DNAAF9: variants seen among roughly 807,000 people sequenced by gnomAD.
DNAAF9 encodes the protein shulin.
Under a neutral mutation model 167.0 loss-of-function variants are expected in DNAAF9, and 90 were observed. The observed-to-expected ratio is 0.54, with a 90% CI of 0.45 to 0.64. The LOEUF (loss-of-function observed/expected upper bound fraction) is 0.64. DNAAF9 is among the 30% of genes least tolerant of loss of function. The pLI is 0.00. For missense variants in DNAAF9, 1,315 were observed against 1,442.2 expected (o/e 0.91, Z 1.43); for synonymous variants, 491 against 508.8 (o/e 0.96, Z 0.47).
At chr20:3,258,907 T>C (rs765940777) in intron 33 of DNAAF9, among the ~76,000 whole-genome samples, 8 of 152,244 alleles carry the variant, frequency 5.3e-5, no homozygotes, top group African/African-American at 7.2e-5. Flanking sequence ...CTCTGGATTA[T>C]AGCAAATGCT....
chr20:3,366,079 A>C (rs900830621), intron 6 of DNAAF9, among the ~76,000 whole-genome samples: 2 of 152,210 alleles, frequency 1.3e-5, no homozygotes, highest in Non-Finnish European at 2.9e-5. Context: ...TAATGTTGTT[A>C]TTCTGACATC....
intron 25 of DNAAF9, among the ~76,000 whole-genome samples, chr20:3,291,583 T>C (rs1371020186): frequency 2.6e-5 from 4 of 151,968 alleles, no homozygotes; most frequent in Non-Finnish European, 5.9e-5. Context: ...GACCTCGTGA[T>C]CCACCTGCCT....
In DNAAF9 at chr20:3,282,629, C is replaced by G. The variant is rs369561704; in HGVS notation, c.2487-863G>C. Among the ~76,000 whole-genome samples, 15 of 152,322 alleles carry G rather than the reference C, an allele frequency of 9.8e-5. No individual in the cohort carries two copies. In the East Asian group the frequency reaches 2.7e-3, roughly 27 times the overall value. On this transcript the variant is annotated intron_variant, in intron 27 of 36. Transcript: ENST00000252032. Reference sequence around the variant, plus strand: ...AAGCCCTTACAATGTCCCAGGCAGCCCTCTATGATCTGACCCCCTATGGAG... The same window carrying G: ...AAGCCCTTACAATGTCCCAGGCAGCGCTCTATGATCTGACCCCCTATGGAG...
rs144617259 is a variant in DNAAF9, at chr20:3,251,342, C to CA, written c.*1229dup. Reference sequence around the variant, plus strand: ...CCTATGTGCTTCTTCCTAAGGCATGCAAAAAAAAATATGTGAAATTCAGAA... The same window carrying CA: ...CCTATGTGCTTCTTCCTAAGGCATGCAAAAAAAAAATATGTGAAATTCAGAA... On this transcript the variant is annotated 3_prime_UTR_variant, in exon 37 of 37. Coordinates refer to ENST00000252032, the MANE Select transcript of DNAAF9 (RefSeq NM_001009984.3). 9,704 of 148,784 alleles carry CA rather than the reference C, an allele frequency of 0.065. 384 individuals carry two copies. The highest frequency in any genetic ancestry group is 0.083 in the Non-Finnish European group (5,547 of 67,064). The allele number at this position is 148,784 out of a possible 1,614,324, so 9.2% of individuals were successfully genotyped here.
Position 3,298,154 on chromosome 20 carries a change from C to A in DNAAF9, c.1804G>T (p.Ala602Ser), listed in dbSNP as rs560571698. Residue 602 changes from alanine to serine, a missense_variant, in exon 22 of 37, where the codon GCT becomes TCT. Ala to Ser is a moderately conservative substitution (Grantham distance 99). Coordinates refer to ENST00000252032, the MANE Select transcript of DNAAF9 (RefSeq NM_001009984.3). Reference protein sequence around the residue: ...YDGDSTSTVAALLIDFKSSLL... With the variant: ...YDGDSTSTVASLLIDFKSSLL... The stretch of plus-strand genomic sequence containing the variant: ...GAGCTTTTGAAGTCTATGAGAAGAG[C>A]AGCAACAGTACTGGTGGAATCCTAA... 84 of 1,613,890 alleles carry A rather than the reference C, an allele frequency of 5.2e-5. 1 individual carries two copies. The South Asian group carries it at 5.8e-4, about 11-fold the overall frequency.
At chr20:3,322,300 T>G (rs1457400304) in intron 15 of DNAAF9, 38 bp from the exon 16 acceptor site, 2 of 1,476,750 alleles carry the variant, frequency 1.4e-6, no homozygotes, top group Non-Finnish European at 1.9e-6. Context: ...TGTTAAAGAG[T>G]TTTTAAGTGT....
chr20:3,334,121 A>G (rs2069892199), intron 10 of DNAAF9, among the ~76,000 whole-genome samples: 2 of 152,284 alleles, frequency 1.3e-5, no homozygotes, highest in African/African-American at 2.4e-5. Context: ...AATAAGTAAC[A>G]ATATATATCC....
intron 20 of DNAAF9, among the ~76,000 whole-genome samples, chr20:3,307,514 G>A (rs2069320848): frequency 6.6e-6 from 1 of 152,026 alleles, no homozygotes; most frequent in Non-Finnish European, 1.5e-5. Context: ...TGGTCTGAGG[G>A]CCATACCTTT....
At chr20:3,347,134 A>G (rs896546740) in intron 8 of DNAAF9, among the ~76,000 whole-genome samples, 1 of 152,106 alleles carries the variant, frequency 6.6e-6, no homozygotes, top group East Asian at 1.9e-4. Flanking sequence ...GGAAAAAAAA[A>G]GGCCTGCTTA....
intron 1 of DNAAF9, among the ~76,000 whole-genome samples, chr20:3,393,927 A>G (rs1448012093): frequency 6.6e-6 from 1 of 152,188 alleles, no homozygotes; most frequent in Non-Finnish European, 1.5e-5. Context: ...AAGTTGTCAA[A>G]TGTTTATTGA....
chr20:3,348,414 A>G (rs2070239367), intron 8 of DNAAF9, 111 bp downstream of exon 8: 1 of 553,070 alleles, frequency 1.8e-6, no homozygotes, highest in Admixed American at 3.3e-5. Context: ...GCTTAAAGAA[A>G]TGACAAATTA....
Position 3,298,219 on chromosome 20 carries a change from C to A in DNAAF9, c.1783-44G>T, listed in dbSNP as rs767579202. 3.9e-6 allele frequency: 6 copies of A among 1,545,592 alleles called. No homozygotes were observed. In the African/African-American group the frequency reaches 5.5e-5, roughly 14 times the overall value. ...AGCATCAGCAAGAAGAGCATCTGCA[C>A]AATTACAGCACTCACAACTACTGCC... On this transcript the variant is annotated intron_variant, in intron 21 of 36. Transcript: ENST00000252032.
At chr20:3,307,227 G>A in intron 20 of DNAAF9, 1 of 851,040 alleles carries the variant, frequency 1.2e-6, no homozygotes, top group Non-Finnish European at 1.4e-6. Context: ...AAATTCACAA[G>A]ACAGTGCTGG....
In DNAAF9 at chr20:3,287,625, T is replaced by C. The variant is rs116690988; in HGVS notation, c.2486+7A>G. ...TCGACTGTTTCCAGGAGACTTCCAA[T>C]GCTCACCCTTGTAACACCACCAGCA... On this transcript the variant is annotated splice_region_variant and intron_variant, in intron 27 of 36. Coordinates refer to ENST00000252032, the MANE Select transcript of DNAAF9 (RefSeq NM_001009984.3). 858 of 1,614,002 alleles carry C rather than the reference T, an allele frequency of 5.3e-4. 5 individuals are homozygous for C. In the African/African-American group the frequency reaches 0.01, roughly 19 times the overall value.
chr20:3,345,455 C>A (rs1361209364), intron 8 of DNAAF9, among the ~76,000 whole-genome samples: 1 of 152,086 alleles, frequency 6.6e-6, no homozygotes, highest in Non-Finnish European at 1.5e-5. Context: ...GACAAAGATA[C>A]AAAAGTTAAT....
Position 3,252,100 on chromosome 20 carries a change from G to A in DNAAF9, c.*472C>T, listed in dbSNP as rs2068202849. 1 of 156,870 alleles carries A rather than the reference G, an allele frequency of 6.4e-6. No individual in the cohort carries two copies. The highest frequency in any genetic ancestry group is 6.3e-5 in the Admixed American group (1 of 15,832). 9.7% of individuals were successfully genotyped at this position (156,870 alleles called of 1,614,324 possible). A position where few individuals can be genotyped will look rare whatever the true frequency, so the allele number is the denominator to read the frequency against. On this transcript the variant is annotated 3_prime_UTR_variant, in exon 37 of 37. Transcript: ENST00000252032. ...CTTCAGGGAAACGGGCCTAGCAGGG[G>A]AGGCAGGCACTCCACTGGGGAAGAT...
At position 3,270,579 on chromosome 20, in the gene DNAAF9, GGAC is replaced by G. The variant is rs2068575874; in HGVS notation, c.2651-20_2651-18del. The G allele has an allele frequency of 6.2e-7, 1 of 1,611,006 alleles. No individual in the cohort carries two copies. The highest frequency in any genetic ancestry group is 2.2e-5 in the East Asian group (1 of 44,854). Reference sequence around the variant, plus strand: ...TCACCAGGCCTGGGAATAAAACCAAGGACAGTTTAGCCTTCACAGTCCTGGTTA... The same window carrying G: ...TCACCAGGCCTGGGAATAAAACCAAGAGTTTAGCCTTCACAGTCCTGGTTA... On this transcript the variant is annotated intron_variant, in intron 29 of 36. Transcript: ENST00000252032.
intron 12 of DNAAF9, among the ~76,000 whole-genome samples, chr20:3,329,308 C>T (rs1368007670): frequency 6.6e-6 from 1 of 152,240 alleles, no homozygotes; most frequent in East Asian, 1.9e-4. Flanking sequence ...GCTGGGAATA[C>T]AGGCGTGTGC....
At chr20:3,362,155 C>A in intron 6 of DNAAF9, 1 of 1,414,386 alleles carries the variant, frequency 7.1e-7, no homozygotes, top group Non-Finnish European at 9.8e-7. Context: ...ATAAATTGTT[C>A]CTGGAGGCCC....
Sources: gnomAD v4.1 joint callset for allele counts (sites outside exome capture counted in the v4.1 genomes callset) on GRCh38, gnomAD v4.1.1 for gene constraint, MANE v1.5 for transcripts, NCBI Gene and HGNC (gene_info 2026-07-23, HGNC 2026-07-21) for gene names.